Variants in LGMN observed in about 807,000 individuals in gnomAD.
LGMN encodes the protein asparaginyl endopeptidase.
In LGMN, 36 loss-of-function variants were observed where a neutral mutation model predicts 56.8. The observed-to-expected ratio is 0.63, with a 90% CI of 0.49 to 0.84. The LOEUF is 0.84. LGMN is among the 40% of genes least tolerant of loss of function. The pLI is 0.00. For missense variants in LGMN, 446 were observed against 556.1 expected, an observed-to-expected ratio of 0.80 and a Z score of 1.99; for synonymous variants, 199 against 210.1, an observed-to-expected ratio of 0.95 and a Z score of 0.46.
At chr14:92,730,484 A>G (rs1261424723) in intron 2 of LGMN, among the ~76,000 whole-genome samples, 1 of 152,180 alleles carries the variant, frequency 6.6e-6, no homozygotes, top group African/African-American at 2.4e-5. Flanking sequence ...GGCTATGCAC[A>G]GGTGCGATAA....
At chr14:92,704,508 C>T (rs922807757) in intron 13 of LGMN, 132 bp downstream of exon 13, 11 of 1,069,370 alleles carry the variant, frequency 1.0e-5, no homozygotes, top group Non-Finnish European at 1.4e-5. Context: ...ACCCTGCTGA[C>T]AAATGGCTGT....
At chr14:92,705,502 A>T (rs1566912658) in intron 12 of LGMN, among the ~76,000 whole-genome samples, 1 of 150,630 alleles carries the variant, frequency 6.6e-6, no homozygotes, top group East Asian at 1.9e-4. Context: ...AACTGTGTCT[A>T]AAACAAACAA....
At chr14:92,747,246 C>G (rs898378729) in intron 1 of LGMN, among the ~76,000 whole-genome samples, 1 of 152,112 alleles carries the variant, frequency 6.6e-6, no homozygotes, top group African/African-American at 2.4e-5. Flanking sequence ...GTAATCCCAG[C>G]ACTTTGGGAG....
rs944875935 is a variant in LGMN, at chr14:92,714,053, A to G, written c.481-168T>C. 6.6e-6 allele frequency among the ~76,000 whole-genome samples: 1 copy of G among 152,218 alleles called. No homozygotes were observed. The highest frequency in any genetic ancestry group is 2.4e-5 in the African/African-American group (1 of 41,456). ...ATGTCGTCACATGTTTTATGCACGC[A>G]TTTAAAAAGGGCAAGAGGATGTACC... On this transcript the variant is annotated intron_variant, in intron 6 of 13. Transcript: ENST00000334869. This position sits in a 1 kb window ranked among gnomAD's most constrained non-coding sequence, Gnocchi z 5.1.
chr14:92,735,670 C>G (rs1288344993), intron 1 of LGMN, among the ~76,000 whole-genome samples: 1 of 152,186 alleles, frequency 6.6e-6, no homozygotes, highest in African/African-American at 2.4e-5. Flanking sequence ...AGCACTGCCT[C>G]CTAACAGGAA....
chr14:92,732,509 G>T, intron 2 of LGMN, 140 bp downstream of exon 2: 1 of 887,846 alleles, frequency 1.1e-6, no homozygotes, highest in Admixed American at 2.4e-5. Flanking sequence ...CCACATCCTC[G>T]CTAACACACC....
intron 4 of LGMN, among the ~76,000 whole-genome samples, chr14:92,716,778 T>C (rs1317605824): frequency 2.0e-5 from 3 of 152,208 alleles, no homozygotes; most frequent in Admixed American, 6.5e-5. Context: ...AGATAAAAGT[T>C]TCTTATCAAA....
chr14:92,738,051 C>T (rs1224974832), intron 1 of LGMN, among the ~76,000 whole-genome samples: 1 of 152,106 alleles, frequency 6.6e-6, no homozygotes, highest in Non-Finnish European at 1.5e-5. Flanking sequence ...GACTTTTACC[C>T]CCTCATATTT....
At chr14:92,706,288 T>C in intron 12 of LGMN, 195 bp downstream of exon 12, 1 of 439,664 alleles carries the variant, frequency 2.3e-6, no homozygotes, top group Non-Finnish European at 4.0e-6. Flanking sequence ...TCCTACCCAC[T>C]GGGACAAGAA....
At chr14:92,719,221 A>ACCACCACCGCCACCGCCACCG (rs1890262745) in intron 2 of LGMN, among the ~76,000 whole-genome samples, 1 of 78,860 alleles carries the variant, frequency 1.3e-5, no homozygotes, top group African/African-American at 7.2e-5. Flanking sequence ...CGCCACCAAC[A>ACCACCACCGCCACCGCCACCG]CCACCACCGC....
At chr14:92,747,413 C>T (rs144638897) in intron 1 of LGMN, among the ~76,000 whole-genome samples, 48 of 152,230 alleles carry the variant, frequency 3.2e-4, no homozygotes, top group Middle Eastern at 3.4e-3. Flanking sequence ...TCACTTGAAC[C>T]GGAAAGGTGG....
intron 1 of LGMN, among the ~76,000 whole-genome samples, chr14:92,745,978 C>T (rs773960662): frequency 1.6e-4 from 24 of 152,150 alleles, no homozygotes; most frequent in Non-Finnish European, 2.5e-4. Flanking sequence ...CGTGCCACCA[C>T]ACCTAGCTAA....
At chr14:92,725,562 C>T (rs1179623534) in intron 2 of LGMN, among the ~76,000 whole-genome samples, 3 of 151,866 alleles carry the variant, frequency 2.0e-5, no homozygotes, top group African/African-American at 4.8e-5. Flanking sequence ...AAAATAAAAG[C>T]GGATTTCTTT....
At chr14:92,725,000 C>T (rs947524178) in intron 2 of LGMN, among the ~76,000 whole-genome samples, 1 of 152,068 alleles carries the variant, frequency 6.6e-6, no homozygotes, top group Non-Finnish European at 1.5e-5. Context: ...CTCGCTGAGC[C>T]CACTGCCAAC....
Position 92,711,803 on chromosome 14 carries a change from C to A in LGMN, c.729+34G>T, listed in dbSNP as rs1315491346. 3 of 1,609,540 alleles carry A rather than the reference C, an allele frequency of 1.9e-6. No homozygotes were observed. In the Admixed American group the frequency reaches 5.0e-5, roughly 27 times the overall value. ...TGACAATCAGAGTCTGACGGTTAAACCCCAGCTGAACAGCCAGCCCCCAAA... is the reference window on the plus strand; with the variant it reads ...TGACAATCAGAGTCTGACGGTTAAAACCCAGCTGAACAGCCAGCCCCCAAA... On this transcript the variant is annotated intron_variant, in intron 9 of 13. Coordinates refer to ENST00000334869, the MANE Select transcript of LGMN (RefSeq NM_005606.7).
Position 92,712,884 on chromosome 14 carries a change from C to A in LGMN, c.544-13G>T, listed in dbSNP as rs773541755. 6.2e-7 allele frequency: 1 copy of A among 1,612,554 alleles called. No homozygotes were observed. Among genetic ancestry groups the A allele is most frequent in the South Asian group, 1.1e-5 (1 of 90,756 alleles). ...TGTAGAACACCATCTGTGAGGCAGACGGGGCAGGTGAGCTCACCCCATCCA... is the reference window on the plus strand; with the variant it reads ...TGTAGAACACCATCTGTGAGGCAGAAGGGGCAGGTGAGCTCACCCCATCCA... On this transcript the variant is annotated splice_polypyrimidine_tract_variant and intron_variant, in intron 7 of 13. Coordinates refer to ENST00000334869, the MANE Select transcript of LGMN (RefSeq NM_005606.7).
rs973963387 is a variant in LGMN, at chr14:92,714,099, C to T, written c.481-214G>A. On this transcript the variant is annotated intron_variant, in intron 6 of 13. Transcript: ENST00000334869. The surrounding 1 kb of genome is among the most constrained non-coding windows in gnomAD (Gnocchi z 5.1). ...GTACCTCTTCACCCATTACTTTGTCCGGAGCTTTTGGTCTATTCTCAGGTC... is the reference window on the plus strand; with the variant it reads ...GTACCTCTTCACCCATTACTTTGTCTGGAGCTTTTGGTCTATTCTCAGGTC... 1.3e-5 allele frequency among the ~76,000 whole-genome samples: 2 copies of T among 152,158 alleles called. No homozygotes were observed. The highest frequency in any genetic ancestry group is 2.9e-5 in the Non-Finnish European group (2 of 68,038).
intron 1 of LGMN, among the ~76,000 whole-genome samples, chr14:92,737,914 C>A (rs1323473320): frequency 2.0e-5 from 3 of 152,208 alleles, no homozygotes; most frequent in African/African-American, 7.2e-5. Flanking sequence ...GCAGGCACAG[C>A]CTGGCTGTTA....
At chr14:92,739,907 A>T (rs1242627762) in intron 1 of LGMN, among the ~76,000 whole-genome samples, 1 of 152,222 alleles carries the variant, frequency 6.6e-6, no homozygotes, top group Non-Finnish European at 1.5e-5. Flanking sequence ...AACCACGTGC[A>T]GGGAGAAGAC....
Sources: allele counts gnomAD v4.1 joint callset (sites outside exome capture counted in the v4.1 genomes callset), GRCh38; gene constraint gnomAD v4.1.1; non-coding constraint Gnocchi (gnomAD v3.1); transcripts MANE v1.5; gene names NCBI Gene and HGNC (gene_info 2026-07-23, HGNC 2026-07-21).